The following ZRANB3 variants were observed in gnomAD, a reference collection of about 807,000 sequenced individuals.
ZRANB3 encodes the protein DNA annealing helicase and endonuclease ZRANB3.
A neutral mutation model predicts 133.8 loss-of-function variants in ZRANB3; 125 were observed. The observed-to-expected ratio is 0.93, with a 90% confidence interval of 0.81 to 1.08. The LOEUF (loss-of-function observed/expected upper bound fraction) is 1.08. Among genes scored for constraint, ZRANB3 ranks in the 50% least tolerant of loss-of-function variants. ZRANB3 has a pLI of 0.00. For synonymous variants in ZRANB3, 387 were observed against 432.7 expected, an observed-to-expected ratio of 0.89 and a Z score of 1.31; for missense variants, 1,229 against 1,275.5, an observed-to-expected ratio of 0.96 and a Z score of 0.56.
Position 135,433,101 on chromosome 2 carries a change from G to T in ZRANB3, c.162-42281C>A, listed in dbSNP as rs867305410. Reference sequence around the variant, plus strand: ...AAACTCTGGCAGGTCTAGGTAAACTGAGGCAGGTAACAGGGTATTATATGT... The same window carrying T: ...AAACTCTGGCAGGTCTAGGTAAACTTAGGCAGGTAACAGGGTATTATATGT... On this transcript the variant is annotated intron_variant, in intron 2 of 20. Transcript: ENST00000264159. 7.8e-3 allele frequency among the ~76,000 whole-genome samples: 1,188 copies of T among 152,274 alleles called. 12 individuals carry two copies. The highest frequency in any genetic ancestry group is 0.027 in the African/African-American group (1,109 of 41,532).
chr2:135,270,211 G>T (rs542336893), intron 10 of ZRANB3, among the ~76,000 whole-genome samples: 21 of 152,006 alleles, frequency 1.4e-4, no homozygotes, highest in African/African-American at 4.6e-4. Context: ...AAATAATGCT[G>T]AAAAAATAAA....
rs919989042 is a variant in ZRANB3, at chr2:135,318,822, T to C, written c.678-3292A>G. Among the ~76,000 whole-genome samples the C allele has an allele frequency of 4.6e-5, 7 of 152,190 alleles. No homozygotes were observed. The East Asian group carries it at 1.2e-3, about 25-fold the overall frequency. The stretch of plus-strand genomic sequence containing the variant: ...AAAAAATACCTTCAATAGCTCCCAC[T>C]TCATAGCATTGGTCTCCAAAGTGTG... On this transcript the variant is annotated intron_variant, in intron 6 of 20. Transcript: ENST00000264159.
rs1693454353 is a variant in ZRANB3 at position 135,197,472 on chromosome 2, G to C, written c.*2870C>G. On this transcript the variant is annotated 3_prime_UTR_variant, in exon 21 of 21. Coordinates refer to ENST00000264159, the MANE Select transcript of ZRANB3 (RefSeq NM_032143.4). ...TCCCATCCAGTTAAGAAAATGTAGA[G>C]GGTATTCACTTGTCACAGGAAAATC... is the stretch of plus-strand genomic sequence containing the variant. 6.6e-6 allele frequency: 1 copy of C among 152,232 alleles called. No individual in the cohort carries two copies. The highest frequency in any genetic ancestry group is 1.5e-5 in the Non-Finnish European group (1 of 68,044). The allele number at this position is 152,232 out of a possible 1,614,324, so 9.4% of individuals were successfully genotyped here. A position where few individuals can be genotyped will look rare whatever the true frequency, so the allele number is the denominator to read the frequency against.
chr2:135,436,423 T>C (rs984661377), intron 2 of ZRANB3, among the ~76,000 whole-genome samples: 1 of 152,120 alleles, frequency 6.6e-6, no homozygotes, highest in African/African-American at 2.4e-5. Context: ...ATTGGCAGGA[T>C]ACAAAATCAG....
At chr2:135,365,922 C>A (rs1170527099) in intron 3 of ZRANB3, among the ~76,000 whole-genome samples, 1 of 152,088 alleles carries the variant, frequency 6.6e-6, no homozygotes, top group Non-Finnish European at 1.5e-5. Context: ...TCTGCAGTTA[C>A]ATAATGACAC....
At chr2:135,350,295 A>T (rs1310539664) in intron 4 of ZRANB3, 80 bp from the exon 5 acceptor site, 7 of 1,014,476 alleles carry the variant, frequency 6.9e-6, no homozygotes, top group Non-Finnish European at 1.0e-5. Context: ...TTGGGAAAAA[A>T]TACAGAGGAG....
Position 135,489,622 on chromosome 2 carries a change from G to T in ZRANB3, c.161+14707C>A, listed in dbSNP as rs564195969. Among the ~76,000 whole-genome samples the T allele has an allele frequency of 9.9e-5, 15 of 151,608 alleles. No homozygotes were observed. The South Asian group carries it at 3.1e-3, about 32-fold the overall frequency. Reference sequence around the variant, plus strand: ...TGAAGAAATAAAATGTGAACTTACAGGTCAGAGAAATAAAAAAAATACATA... The same window carrying T: ...TGAAGAAATAAAATGTGAACTTACATGTCAGAGAAATAAAAAAAATACATA... On this transcript the variant is annotated intron_variant, in intron 2 of 20. Coordinates refer to ENST00000264159, the MANE Select transcript of ZRANB3 (RefSeq NM_032143.4).
intron 2 of ZRANB3, among the ~76,000 whole-genome samples, chr2:135,419,406 G>T (rs1688738224): frequency 6.6e-6 from 1 of 152,004 alleles, no homozygotes; most frequent in African/African-American, 2.4e-5. Context: ...GTGTGTGTGT[G>T]TGTACAGAGA....
chr2:135,521,796 C>A (rs540876386), intron 1 of ZRANB3, among the ~76,000 whole-genome samples: 1 of 152,204 alleles, frequency 6.6e-6, no homozygotes, highest in Admixed American at 6.5e-5. Context: ...GTATGGTACA[C>A]CTTACTTAAA....
chr2:135,381,274 G>C (rs754927893), intron 3 of ZRANB3, among the ~76,000 whole-genome samples: 1 of 152,152 alleles, frequency 6.6e-6, no homozygotes, highest in Non-Finnish European at 1.5e-5. Context: ...GTCTGAGATC[G>C]AACTGTAACA....
intron 5 of ZRANB3, among the ~76,000 whole-genome samples, chr2:135,346,382 G>A (rs1262914640): frequency 6.6e-6 from 1 of 152,162 alleles, no homozygotes; most frequent in African/African-American, 2.4e-5. Flanking sequence ...TTACAGGCAT[G>A]AGCCACCACG....
At chr2:135,509,131 T>C (rs1201839950) in intron 1 of ZRANB3, among the ~76,000 whole-genome samples, 1 of 151,648 alleles carries the variant, frequency 6.6e-6, no homozygotes, top group Non-Finnish European at 1.5e-5. Flanking sequence ...AAGAGAATCA[T>C]AACAAAATAG....
chr2:135,205,291 A>C (rs1359058755), intron 19 of ZRANB3, among the ~76,000 whole-genome samples: 1 of 152,154 alleles, frequency 6.6e-6, no homozygotes, highest in African/African-American at 2.4e-5. Flanking sequence ...TTATTTAGAG[A>C]TACGGTCTCG....
At chr2:135,230,402 A>C in intron 13 of ZRANB3, 111 bp downstream of exon 13, 1 of 966,762 alleles carries the variant, frequency 1.0e-6, no homozygotes, top group Non-Finnish European at 1.4e-6. Flanking sequence ...TTAAAAGCTA[A>C]AGTTGTGCTG....
chr2:135,233,435 A>G (rs1313051697), intron 12 of ZRANB3, among the ~76,000 whole-genome samples: 2 of 152,198 alleles, frequency 1.3e-5, no homozygotes, highest in Non-Finnish European at 2.9e-5. Flanking sequence ...TTCAGGAAAT[A>G]CAGAGAACGC....
At chr2:135,428,677 TTTTAACTTTGCCATTTAAC>T (rs1248614008) in intron 2 of ZRANB3, among the ~76,000 whole-genome samples, 5 of 152,252 alleles carry the variant, frequency 3.3e-5, no homozygotes, top group African/African-American at 4.8e-5. Flanking sequence ...AAACAACTGT[TTTTAACTTTGCCATTTAAC>T]TTTAACTTTG....
At chr2:135,324,194 TA>T (rs1316330073) in intron 6 of ZRANB3, among the ~76,000 whole-genome samples, 1 of 151,936 alleles carries the variant, frequency 6.6e-6, no homozygotes, top group African/African-American at 2.4e-5. Context: ...ACTCATCATT[TA>T]ACATTAGGTA....
At chr2:135,326,263 T>G (rs1025050197) in intron 6 of ZRANB3, among the ~76,000 whole-genome samples, 8 of 152,176 alleles carry the variant, frequency 5.3e-5, no homozygotes, top group African/African-American at 1.9e-4. Context: ...TTTGTGCTTT[T>G]CCATAGGTTA....
At position 135,265,769 on chromosome 2, in the gene ZRANB3, A is replaced by C. The variant is rs560994086; in HGVS notation, c.1387-83T>G. The C allele has an allele frequency of 2.0e-5, 28 of 1,396,060 alleles. No individual in the cohort carries two copies. The South Asian group carries it at 3.7e-4, about 19-fold the overall frequency. The allele number at this position is 1,396,060 out of a possible 1,614,324, so 86.5% of individuals were successfully genotyped here. ...CTAAGTAACTTGATTTTGCATTTAA[A>C]TCATAAGCTACCCACTAAGAAAATC... On this transcript the variant is annotated intron_variant, in intron 11 of 20. Transcript: ENST00000264159.
Sources: gnomAD v4.1 joint callset for allele counts (sites outside exome capture counted in the v4.1 genomes callset) on GRCh38, gnomAD v4.1.1 for gene constraint, MANE v1.5 for transcripts, NCBI Gene and HGNC (gene_info 2026-07-23, HGNC 2026-07-21) for gene names.